Variants in ARHGEF28 observed in about 807,000 individuals in gnomAD.
ARHGEF28 encodes the protein Rho guanine nucleotide exchange factor 28.
A neutral mutation model predicts 206.6 loss-of-function variants in ARHGEF28; 152 were observed. That is an observed-to-expected ratio of 0.74 (90% CI 0.64 to 0.84). The LOEUF is 0.84. ARHGEF28 is among the 40% of genes least tolerant of loss of function. The probability of loss-of-function intolerance (pLI) is 0.00; values close to 1 mark genes in which losing one functional copy is unlikely to be tolerated. For missense variants in ARHGEF28, 2,028 were observed against 2,073.2 expected, an observed-to-expected ratio of 0.98 and a Z score of 0.42; for synonymous variants, 763 against 776.4, an observed-to-expected ratio of 0.98 and a Z score of 0.29.
At chr5:73,634,898 G>A (rs1222360319) in intron 1 of ARHGEF28, among the ~76,000 whole-genome samples, 1 of 152,062 alleles carries the variant, frequency 6.6e-6, no homozygotes, top group Admixed American at 6.6e-5. Context: ...TGACATTCTG[G>A]TTTTAAAAAT....
chr5:73,818,729 T>G (rs1756388551), intron 9 of ARHGEF28, among the ~76,000 whole-genome samples: 1 of 152,216 alleles, frequency 6.6e-6, no homozygotes, highest in African/African-American at 2.4e-5. Context: ...CAAAGCTCCC[T>G]TTAGTTAAAC....
intron 1 of ARHGEF28, among the ~76,000 whole-genome samples, chr5:73,682,811 G>A (rs1561330745): frequency 6.6e-6 from 1 of 152,212 alleles, no homozygotes; most frequent in African/African-American, 2.4e-5. Flanking sequence ...GGGAGGCTAA[G>A]GCACAAGAAT....
At chr5:73,897,181 C>A (rs745391616) in intron 29 of ARHGEF28, among the ~76,000 whole-genome samples, 2 of 152,162 alleles carry the variant, frequency 1.3e-5, no homozygotes, top group Non-Finnish European at 2.9e-5. Flanking sequence ...AAACATATTC[C>A]GAATCCTAAT....
At chr5:73,774,085 G>C in intron 5 of ARHGEF28, 47 bp downstream of exon 5, 4 of 1,485,230 alleles carry the variant, frequency 2.7e-6, no homozygotes, top group Non-Finnish European at 3.6e-6. Context: ...TATAAAGTCG[G>C]CCAAGCATTA....
chr5:73,633,214 C>T (rs1165464200), intron 1 of ARHGEF28, among the ~76,000 whole-genome samples: 1 of 152,178 alleles, frequency 6.6e-6, no homozygotes, highest in African/African-American at 2.4e-5. Flanking sequence ...AAGCTTCACT[C>T]TCTTGCGTAC....
chr5:73,842,480 A>G (rs1471004291), intron 11 of ARHGEF28, among the ~76,000 whole-genome samples: 1 of 152,200 alleles, frequency 6.6e-6, no homozygotes, highest in Non-Finnish European at 1.5e-5. Context: ...TGTAAATAAT[A>G]AAAGACTTGC....
chr5:73,854,104 A>G (rs956141144), intron 14 of ARHGEF28, among the ~76,000 whole-genome samples: 13 of 151,662 alleles, frequency 8.6e-5, no homozygotes, highest in African/African-American at 2.2e-4. Flanking sequence ...TCTCTCAGTC[A>G]TATGCCTTGG....
intron 7 of ARHGEF28, among the ~76,000 whole-genome samples, chr5:73,787,145 G>A (rs909042578): frequency 2.0e-5 from 3 of 152,308 alleles, no homozygotes; most frequent in African/African-American, 7.2e-5. Flanking sequence ...TAGATATCAA[G>A]ATATAGGTCC....
chr5:73,846,165 C>T (rs562780057), intron 11 of ARHGEF28, 103 bp from the exon 12 acceptor site: 134 of 1,025,434 alleles, frequency 1.3e-4, no homozygotes, highest in Admixed American at 7.8e-4. Flanking sequence ...CCTATTGCAC[C>T]CCCCCCGCCC....
At chr5:73,861,850 A>G (rs1759422696) in intron 16 of ARHGEF28, among the ~76,000 whole-genome samples, 1 of 151,860 alleles carries the variant, frequency 6.6e-6, no homozygotes, top group Non-Finnish European at 1.5e-5. Context: ...TTCAAAATTT[A>G]CAGTTACTTT....
At chr5:73,888,263 TC>T (rs1279253437) in intron 26 of ARHGEF28, among the ~76,000 whole-genome samples, 3 of 152,368 alleles carry the variant, frequency 2.0e-5, no homozygotes, top group African/African-American at 7.2e-5. Context: ...TATAGTAGCT[TC>T]TAAAGACAGT....
At chr5:73,842,376 A>C (rs958272868) in intron 11 of ARHGEF28, among the ~76,000 whole-genome samples, 1 of 152,216 alleles carries the variant, frequency 6.6e-6, no homozygotes, top group Non-Finnish European at 1.5e-5. Context: ...AGGAACCAGC[A>C]ATCAGTAGGT....
At chr5:73,676,666 G>A (rs914672967) in intron 1 of ARHGEF28, among the ~76,000 whole-genome samples, 1 of 152,192 alleles carries the variant, frequency 6.6e-6, no homozygotes, top group African/African-American at 2.4e-5. Context: ...TTATCTTTGA[G>A]ACCTTTGTCT....
intron 35 of ARHGEF28, among the ~76,000 whole-genome samples, chr5:73,930,495 T>A (rs376272891): frequency 6.6e-6 from 1 of 152,230 alleles, no homozygotes. Flanking sequence ...TCTTTTGGGA[T>A]AGCTTTAATA....
chr5:73,781,312 A>G (rs1456448462), intron 7 of ARHGEF28, among the ~76,000 whole-genome samples: 1 of 152,164 alleles, frequency 6.6e-6, no homozygotes, highest in African/African-American at 2.4e-5. Flanking sequence ...CAGAGACGGC[A>G]TGTGTGATTC....
At chr5:73,939,166 G>C (rs529493421) in intron 35 of ARHGEF28, among the ~76,000 whole-genome samples, 16 of 152,116 alleles carry the variant, frequency 1.1e-4, no homozygotes, top group Non-Finnish European at 1.9e-4. Context: ...CTTCCTAGCT[G>C]CATGATGTGG....
chr5:73,778,053 T>G (rs1364698179), intron 6 of ARHGEF28: 1 of 148,262 alleles, frequency 6.7e-6, no homozygotes, highest in Non-Finnish European at 1.5e-5. Context: ...CGCTCCAGCC[T>G]GGTGACAGAG....
At chr5:73,780,905 G>A (rs951487454) in intron 7 of ARHGEF28, among the ~76,000 whole-genome samples, 160 bp downstream of exon 7, 7 of 152,164 alleles carry the variant, frequency 4.6e-5, no homozygotes, top group African/African-American at 7.2e-5. Context: ...TCCTCGGACA[G>A]CATCAAATGA....
chr5:73,721,279 A>C (rs763912885), intron 2 of ARHGEF28, among the ~76,000 whole-genome samples: 40 of 152,198 alleles, frequency 2.6e-4, no homozygotes, highest in Non-Finnish European at 5.0e-4. Flanking sequence ...TTTCTACTTC[A>C]GGGCTTTGGG....
Sources: gnomAD v4.1 joint callset for allele counts (sites outside exome capture counted in the v4.1 genomes callset) on GRCh38, gnomAD v4.1.1 for gene constraint, MANE v1.5 for transcripts, NCBI Gene and HGNC (gene_info 2026-07-23, HGNC 2026-07-21) for gene names.